PDE10A: variants seen among roughly 807,000 people sequenced by gnomAD.
PDE10A encodes the protein cAMP and cAMP-inhibited cGMP 3',5'-cyclic phosphodiesterase 10A.
PDE10A carries 39 observed loss-of-function variants against 97.7 expected under a neutral mutation model. The observed-to-expected ratio is 0.40, with a 90% CI of 0.31 to 0.52. The LOEUF is 0.52. Ranked by LOEUF, PDE10A falls within the 20% of genes least tolerant of loss-of-function variation. PDE10A has a pLI of 0.56. For missense variants in PDE10A, 731 were observed against 1,047.8 expected (o/e 0.70, Z 4.17); for synonymous variants, 371 against 376.8 (o/e 0.98, Z 0.18).
At chr6:165,453,014 T>C (rs940446425) in intron 3 of PDE10A, among the ~76,000 whole-genome samples, 2 of 152,108 alleles carry the variant, frequency 1.3e-5, no homozygotes, top group East Asian at 1.9e-4. Context: ...TGATGAGGTA[T>C]CAGATGGAAA....
chr6:165,796,112 T>TTTTTTTTTTTTTTC (rs1562741090), intron 1 of PDE10A, among the ~76,000 whole-genome samples: 1 of 147,346 alleles, frequency 6.8e-6, no homozygotes, highest in African/African-American at 2.6e-5. Context: ...TTTTTTTTTT[T>TTTTTTTTTTTTTTC]TGAGACGGAG....
At chr6:165,972,831 G>C (rs966678088) in intron 1 of PDE10A, among the ~76,000 whole-genome samples, 2 of 152,034 alleles carry the variant, frequency 1.3e-5, no homozygotes, top group Admixed American at 6.6e-5. Flanking sequence ...ATATGGTCTC[G>C]GCCAGGGATT....
chr6:165,826,303 T>TG (rs1779743870), intron 1 of PDE10A, among the ~76,000 whole-genome samples: 2 of 67,436 alleles, frequency 3.0e-5, no homozygotes, highest in South Asian at 4.2e-4. Flanking sequence ...CATGTCCGTC[T>TG]TCATGTCCCT....
intron 2 of PDE10A, among the ~76,000 whole-genome samples, chr6:165,539,751 T>C (rs1265018912): frequency 6.9e-6 from 1 of 145,404 alleles, no homozygotes; most frequent in African/African-American, 2.8e-5. Context: ...TGAAACTCTG[T>C]CTCTAATAAA....
Position 165,339,257 on chromosome 6 carries a change from ATTTAC to A in PDE10A, c.2976+16_2976+20del. ...AAACTATTTGGCTTTAGCAATTACAATTTACTTTAATAATTCATACCTGGCCTTGG... is the reference window on the plus strand; with the variant it reads ...AAACTATTTGGCTTTAGCAATTACAATTTAATAATTCATACCTGGCCTTGG... On this transcript the variant is annotated intron_variant, in intron 20 of 21. Coordinates refer to ENST00000539869, the MANE Select transcript of PDE10A (RefSeq NM_001385079.1). 5 of 1,434,128 alleles carry A rather than the reference ATTTAC, an allele frequency of 3.5e-6. No individual in the cohort carries two copies. Among genetic ancestry groups the A allele is most frequent in the Non-Finnish European group, 4.9e-6 (5 of 1,017,094 alleles). 88.8% of individuals were successfully genotyped at this position (1,434,128 alleles called of 1,614,324 possible). A position where few individuals can be genotyped will look rare whatever the true frequency, so the allele number is the denominator to read the frequency against.
chr6:165,883,527 G>T (rs1781543861), intron 1 of PDE10A, among the ~76,000 whole-genome samples: 1 of 145,446 alleles, frequency 6.9e-6, no homozygotes, highest in African/African-American at 2.6e-5. Context: ...ACGACAAATT[G>T]AGACTCCGTC....
At chr6:165,630,615 C>T (rs1469848821) in intron 1 of PDE10A, among the ~76,000 whole-genome samples, 1 of 152,134 alleles carries the variant, frequency 6.6e-6, no homozygotes, top group Non-Finnish European at 1.5e-5. Flanking sequence ...GCATTGTTTA[C>T]TTAGTACCTT....
chr6:165,536,439 A>G (rs187915399), intron 2 of PDE10A, among the ~76,000 whole-genome samples: 20 of 152,134 alleles, frequency 1.3e-4, no homozygotes, highest in Admixed American at 1.2e-3. Flanking sequence ...AGCACAGGCA[A>G]CCAAAGCAAA....
At chr6:165,580,897 C>T (rs961373412) in intron 1 of PDE10A, among the ~76,000 whole-genome samples, 4 of 148,734 alleles carry the variant, frequency 2.7e-5, no homozygotes, top group South Asian at 2.2e-4. Context: ...GTCTCCTACC[C>T]GATGAGAAAG....
At chr6:165,350,131 T>C (rs1782600166) in intron 18 of PDE10A, among the ~76,000 whole-genome samples, 1 of 152,114 alleles carries the variant, frequency 6.6e-6, no homozygotes, top group African/African-American at 2.4e-5. Context: ...CACCTACAGC[T>C]TGCATCGTGC....
In PDE10A at chr6:165,371,634, A is replaced by G. The variant is rs140500757; in HGVS notation, c.2783+7560T>C. ...CCAGGACCAGATGGATTCACAGCCA[A>G]ATTCTACCAGAGTACAAGGAGGAAC... On this transcript the variant is annotated intron_variant, in intron 18 of 21. Transcript: ENST00000539869. 6.2e-4 allele frequency among the ~76,000 whole-genome samples: 94 copies of G among 152,346 alleles called. No individual in the cohort carries two copies. The East Asian group carries it at 0.012, about 20-fold the overall frequency.
intron 1 of PDE10A, among the ~76,000 whole-genome samples, chr6:165,553,162 T>C (rs768854317): frequency 3.3e-5 from 5 of 152,198 alleles, no homozygotes; most frequent in Non-Finnish European, 5.9e-5. Flanking sequence ...TAACAATTTA[T>C]ATAGCAGTTC....
chr6:165,432,296 T>C (rs753215765), intron 7 of PDE10A, among the ~76,000 whole-genome samples: 5 of 152,158 alleles, frequency 3.3e-5, no homozygotes, highest in Non-Finnish European at 7.3e-5. Flanking sequence ...GAGGGCCTTA[T>C]AGAGAAGGCA....
At chr6:165,425,553 T>G (rs1789061599) in intron 10 of PDE10A, among the ~76,000 whole-genome samples, 1 of 152,116 alleles carries the variant, frequency 6.6e-6, no homozygotes, top group Non-Finnish European at 1.5e-5. Flanking sequence ...ATAAAGGCCC[T>G]CTATGAAAAA....
chr6:165,455,018 C>A (rs2128252877), intron 3 of PDE10A, among the ~76,000 whole-genome samples: 1 of 152,294 alleles, frequency 6.6e-6, no homozygotes, highest in Admixed American at 6.5e-5. Flanking sequence ...TAGCACAGAT[C>A]TTCCTCCTGC....
chr6:165,386,906 C>A lies in PDE10A; in HGVS notation c.2610+1392G>T, dbSNP rs189070445. 3.3e-3 allele frequency among the ~76,000 whole-genome samples: 496 copies of A among 150,742 alleles called. 3 individuals are homozygous for A. Among genetic ancestry groups the A allele is most frequent in the African/African-American group, 0.011 (467 of 41,116 alleles). Reference sequence around the variant, plus strand: ...TGGTGGGCTCCTGTAGTTCCAGCTACTTGGGAGGCTGAGGCAGGAGAATGG... The same window carrying A: ...TGGTGGGCTCCTGTAGTTCCAGCTAATTGGGAGGCTGAGGCAGGAGAATGG... On this transcript the variant is annotated intron_variant, in intron 17 of 21. Coordinates refer to ENST00000539869, the MANE Select transcript of PDE10A (RefSeq NM_001385079.1).
chr6:165,372,842 C>T (rs1784354230), intron 18 of PDE10A, among the ~76,000 whole-genome samples: 1 of 150,818 alleles, frequency 6.6e-6, no homozygotes, highest in Non-Finnish European at 1.5e-5. Context: ...TACAAGGCTA[C>T]AGTAACCAAA....
At chr6:165,610,994 A>T (rs1787467794) in intron 1 of PDE10A, among the ~76,000 whole-genome samples, 1 of 151,924 alleles carries the variant, frequency 6.6e-6, no homozygotes, top group African/African-American at 2.4e-5. Context: ...TTGCGAGTCT[A>T]CGTCAGCTTT....
chr6:165,956,825 T>C (rs989067671), intron 1 of PDE10A, among the ~76,000 whole-genome samples: 1 of 152,226 alleles, frequency 6.6e-6, no homozygotes, highest in African/African-American at 2.4e-5. Context: ...AGTGGGATCT[T>C]AAGACCTGGC....
Sources: gnomAD v4.1 joint callset for allele counts (sites outside exome capture counted in the v4.1 genomes callset) on GRCh38, gnomAD v4.1.1 for gene constraint, MANE v1.5 for transcripts, NCBI Gene and HGNC (gene_info 2026-07-23, HGNC 2026-07-21) for gene names.